CAV1: variants seen among roughly 807,000 people sequenced by gnomAD.
CAV1 encodes caveolin-1.
A neutral mutation model predicts 16.5 loss-of-function variants in CAV1; 10 were observed. That is an observed-to-expected ratio of 0.61 (90% CI 0.37 to 1.03). The LOEUF (loss-of-function observed/expected upper bound fraction) is 1.03. Ranked by LOEUF, CAV1 falls within the 50% of genes least tolerant of loss-of-function variation. CAV1 has a pLI of 0.01. For missense variants in CAV1, 212 were observed against 232.8 expected (o/e 0.91, Z 0.58); for synonymous variants, 76 against 85.1 (o/e 0.89, Z 0.59).
chr7:116,555,579 A>AGGGAGGGAGG (rs1794271229), intron 2 of CAV1, among the ~76,000 whole-genome samples: 4 of 101,368 alleles, frequency 3.9e-5, no homozygotes, highest in African/African-American at 1.2e-4. Context: ...AAAGAAAGAA[A>AGGGAGGGAGG]GAAAGAAAGA....
intron 2 of CAV1, among the ~76,000 whole-genome samples, chr7:116,555,540 GAGAGAAAGAAAGAAAGAA>G (rs1394362037): frequency 7.6e-5 from 1 of 13,194 alleles, no homozygotes; most frequent in Non-Finnish European, 1.5e-4. Flanking sequence ...GAGAGAGAGA[GAGAGAAAGAAAGAAAGAA>G]AGAAAGAAAG....
chr7:116,526,233 C>T, intron 1 of CAV1: 1 of 1,078,398 alleles, frequency 9.3e-7, no homozygotes. Context: ...GGCCTTCGGA[C>T]CGCGCGGCGG....
chr7:116,529,823 C>A (rs950376188), intron 2 of CAV1, among the ~76,000 whole-genome samples: 1 of 152,176 alleles, frequency 6.6e-6, no homozygotes, highest in South Asian at 2.1e-4. Context: ...TATTAAGTAG[C>A]TTGTGAATAC....
intron 2 of CAV1, among the ~76,000 whole-genome samples, chr7:116,533,402 T>A (rs918926534): frequency 2.1e-4 from 30 of 141,342 alleles, no homozygotes; most frequent in Non-Finnish European, 3.4e-4. Context: ...TAAAATAAAA[T>A]AAAATAAAAA....
At chr7:116,526,103 C>T (rs1384738897) in intron 1 of CAV1, 2 of 229,578 alleles carry the variant, frequency 8.7e-6, no homozygotes, top group African/African-American at 4.7e-5. Flanking sequence ...AGGTGAAGCG[C>T]TCAGGGCGAG....
At chr7:116,533,347 ATAAAT>A (rs1458473293) in intron 2 of CAV1, among the ~76,000 whole-genome samples, 5 of 35,460 alleles carry the variant, frequency 1.4e-4, no homozygotes, top group Non-Finnish European at 2.7e-4. Context: ...AAAAAATAAA[ATAAAT>A]AAAATAAAAT....
At chr7:116,530,656 G>T (rs767870374) in intron 2 of CAV1, among the ~76,000 whole-genome samples, 12 of 152,286 alleles carry the variant, frequency 7.9e-5, no homozygotes, top group Non-Finnish European at 1.3e-4. Context: ...AACGAGCCAG[G>T]CATGGAGACA....
chr7:116,560,068 GACT>G lies in CAV1; in HGVS notation c.*782_*784del. ...GACCTAGTTTTCCATGCGTGTTTCT[GACT>G]CTGAGCTACAGAGTCTGGTGAAGCT... is the stretch of plus-strand genomic sequence containing the variant. On this transcript the variant is annotated 3_prime_UTR_variant, in exon 3 of 3. Transcript: ENST00000341049. 2.7e-6 allele frequency: 1 copy of G among 374,904 alleles called. No individual in the cohort carries two copies. The highest frequency in any genetic ancestry group is 4.7e-6 in the Non-Finnish European group (1 of 211,194). 23.2% of individuals were successfully genotyped at this position (374,904 alleles called of 1,614,324 possible).
At chr7:116,538,536 G>C (rs991327114) in intron 2 of CAV1, among the ~76,000 whole-genome samples, 2 of 152,196 alleles carry the variant, frequency 1.3e-5, no homozygotes, top group Non-Finnish European at 2.9e-5. Flanking sequence ...TTCCTTGCTT[G>C]TTCTTGAGAG....
At chr7:116,530,136 GT>G (rs869175421) in intron 2 of CAV1, among the ~76,000 whole-genome samples, 1 of 147,066 alleles carries the variant, frequency 6.8e-6, no homozygotes, top group South Asian at 2.2e-4. Flanking sequence ...GGTAAAAAGT[GT>G]TTTTAAAAAA....
chr7:116,526,738 C>T, intron 2 of CAV1, 49 bp downstream of exon 2: 1 of 1,609,044 alleles, frequency 6.2e-7, no homozygotes, highest in Non-Finnish European at 8.5e-7. Flanking sequence ...TCTCCTCTGG[C>T]AGTTAGCCCG....
chr7:116,532,776 G>A (rs146115445), intron 2 of CAV1, among the ~76,000 whole-genome samples: 2 of 152,292 alleles, frequency 1.3e-5, no homozygotes, highest in East Asian at 3.9e-4. Context: ...ACTTGAATGT[G>A]GTGATTCTAA....
intron 1 of CAV1, chr7:116,525,722 C>A: frequency 9.4e-7 from 1 of 1,061,150 alleles, no homozygotes; most frequent in Non-Finnish European, 1.2e-6. Flanking sequence ...GTGTGGAAAC[C>A]TCGTCTTCCA....
chr7:116,534,389 A>ATTTTTTTT (rs1309115810), intron 2 of CAV1, among the ~76,000 whole-genome samples: 6 of 8,988 alleles, frequency 6.7e-4, no homozygotes, highest in African/African-American at 1.2e-3. Context: ...ATATATATAT[A>ATTTTTTTT]TATATATTTT....
At position 116,546,697 on chromosome 7, in the gene CAV1, C is replaced by CAAA. The variant is rs5886830; in HGVS notation, c.196-12234_196-12232dup. On this transcript the variant is annotated intron_variant, in intron 2 of 2. Transcript: ENST00000341049. ...GGGCAACAAGAATGAGACTCTGTCA[C>CAAA]AAAAAAAAAAAAAAAAAGTCTGCAG... Among the ~76,000 whole-genome samples the CAAA allele has an allele frequency of 2.6e-4, 23 of 88,406 alleles. 1 individual carries two copies. Among genetic ancestry groups the CAAA allele is most frequent in the African/African-American group, 9.3e-4 (21 of 22,550 alleles). 58.0% of individuals were successfully genotyped at this position (88,406 alleles called of 152,430 possible). A position where few individuals can be genotyped will look rare whatever the true frequency, so the allele number is the denominator to read the frequency against.
At chr7:116,529,472 CAT>C (rs1202544465) in intron 2 of CAV1, among the ~76,000 whole-genome samples, 1 of 152,192 alleles carries the variant, frequency 6.6e-6, no homozygotes, top group East Asian at 1.9e-4. Context: ...GTGGCACAGA[CAT>C]AGAACATTTC....
chr7:116,525,365 GT>G (rs1793535282), intron 1 of CAV1: 6 of 1,536,432 alleles, frequency 3.9e-6, no homozygotes, highest in Non-Finnish European at 5.3e-6. Context: ...GATTGGGTCT[GT>G]TGGGCCCAGG....
In CAV1 at chr7:116,534,378, TA is replaced by T. The variant is rs1562829892; in HGVS notation, c.195+7690del. ...CCCACCTCAGATATATATATATATA[TA>T]TATATATATATATATATTTTTTTTT... is the stretch of plus-strand genomic sequence containing the variant. On this transcript the variant is annotated intron_variant, in intron 2 of 2. Transcript: ENST00000341049. Among the ~76,000 whole-genome samples the T allele has an allele frequency of 2.4e-3, 36 of 15,138 alleles. 1 individual carries two copies. Among genetic ancestry groups the T allele is most frequent in the South Asian group, 9.4e-3 (2 of 212 alleles). The allele number at this position is 15,138 out of a possible 152,430, so 9.9% of individuals were successfully genotyped here.
chr7:116,548,046 A>G (rs1794089174), intron 2 of CAV1, among the ~76,000 whole-genome samples: 1 of 152,058 alleles, frequency 6.6e-6, no homozygotes, highest in Non-Finnish European at 1.5e-5. Flanking sequence ...TGATTGTCAC[A>G]TTTTTCAGAT....
Sources: gnomAD v4.1 joint callset for allele counts (sites outside exome capture counted in the v4.1 genomes callset) on GRCh38, gnomAD v4.1.1 for gene constraint, MANE v1.5 for transcripts, NCBI Gene and HGNC (gene_info 2026-07-23, HGNC 2026-07-21) for gene names.